Variants in FADS2 observed in about 807,000 individuals in gnomAD.
The protein encoded by FADS2 is acyl-CoA 6-desaturase.
In FADS2, 18 loss-of-function variants were observed where a neutral mutation model predicts 61.2. The observed-to-expected ratio is 0.29, with a 90% CI of 0.20 to 0.44. The LOEUF (loss-of-function observed/expected upper bound fraction) is 0.44, where lower values mean the gene tolerates loss of function less well. Among genes scored for constraint, FADS2 ranks in the 20% least tolerant of loss-of-function variants. The probability of loss-of-function intolerance (pLI) is 1.00; values close to 1 mark genes in which losing one functional copy is unlikely to be tolerated. For missense variants in FADS2, 322 were observed against 572.7 expected, an observed-to-expected ratio of 0.56 and a Z score of 4.47; for synonymous variants, 203 against 223.9, an observed-to-expected ratio of 0.91 and a Z score of 0.83.
At chr11:61,860,140 G>A (rs543137331) in intron 7 of FADS2, among the ~76,000 whole-genome samples, 23 of 152,160 alleles carry the variant, frequency 1.5e-4, no homozygotes, top group Admixed American at 7.8e-4. Context: ...GGCAGTATCC[G>A]GAGACACTTT....
At chr11:61,856,215 G>A (rs918936099) in intron 5 of FADS2, 1 of 152,302 alleles carries the variant, frequency 6.6e-6, no homozygotes, top group South Asian at 2.1e-4. Context: ...ATCCCCTGGG[G>A]CCGTGGTTCC....
intron 1 of FADS2, among the ~76,000 whole-genome samples, chr11:61,823,155 A>T (rs763974068): frequency 3.3e-5 from 5 of 152,246 alleles, no homozygotes; most frequent in Non-Finnish European, 7.3e-5. Context: ...TGAGCACTAA[A>T]GATGCAGCAA....
intron 4 of FADS2, among the ~76,000 whole-genome samples, chr11:61,846,131 CTTTT>C: frequency 7.7e-6 from 1 of 130,466 alleles, no homozygotes; most frequent in Admixed American, 7.9e-5. Context: ...TCTTTCTTTT[CTTTT>C]TTTTTTTTTT....
rs777499825 is a variant in FADS2 at position 61,840,371 on chromosome 11, C to T, written c.356C>T (p.Thr119Met). Residue 119 changes from threonine to methionine, a missense_variant, in exon 3 of 12, where the codon ACG becomes ATG. Coordinates refer to ENST00000278840, the MANE Select transcript of FADS2 (RefSeq NM_004265.4). ...ITEDFRALRK[T>M]AEDMNLFKTN... ...GAGGACTTCCGGGCCCTGAGGAAGACGGCTGAGGACATGAACCTGTTCAAG... is the reference window on the plus strand; with the variant it reads ...GAGGACTTCCGGGCCCTGAGGAAGATGGCTGAGGACATGAACCTGTTCAAG... 19 of 1,614,066 alleles carry T rather than the reference C, an allele frequency of 1.2e-5. No individual in the cohort carries two copies. The highest frequency in any genetic ancestry group is 4.4e-5 in the South Asian group (4 of 91,090).
chr11:61,844,696 A>T (rs945621666), intron 4 of FADS2, among the ~76,000 whole-genome samples: 3 of 151,932 alleles, frequency 2.0e-5, no homozygotes, highest in Non-Finnish European at 2.9e-5. Context: ...GAGGTTGAGG[A>T]GGGCAGATCA....
chr11:61,835,648 C>T (rs1224531399), intron 1 of FADS2, among the ~76,000 whole-genome samples: 1 of 151,750 alleles, frequency 6.6e-6, no homozygotes, highest in African/African-American at 2.4e-5. Flanking sequence ...TCAGGCAATC[C>T]GCCGCCTCGG....
chr11:61,848,036 G>A (rs535242488), intron 4 of FADS2, 123 bp from the exon 5 acceptor site: 3 of 1,148,206 alleles, frequency 2.6e-6, no homozygotes, highest in Non-Finnish European at 3.8e-6. Context: ...GCCTTGTGGG[G>A]GCCTGAAGTG....
chr11:61,839,145 G>C (rs2067198079), intron 2 of FADS2, among the ~76,000 whole-genome samples: 1 of 151,564 alleles, frequency 6.6e-6, no homozygotes, highest in Non-Finnish European at 1.5e-5. Context: ...ACTCCGCTTT[G>C]CCTCCCTGGC....
At position 61,828,634 on chromosome 11, in the gene FADS2, C is replaced by A; in HGVS notation, c.207+37C>A. The A allele has an allele frequency of 6.3e-7, 1 of 1,574,814 alleles. No homozygotes were observed. The highest frequency in any genetic ancestry group is 1.3e-5 in the African/African-American group (1 of 74,410). On this transcript the variant is annotated intron_variant, in intron 1 of 11. Coordinates refer to ENST00000278840, the MANE Select transcript of FADS2 (RefSeq NM_004265.4). The surrounding 1 kb of genome is among the most constrained non-coding windows in gnomAD (Gnocchi z 6.4). ...GGGGCGCCCCAGCCACCCTTCTCTG[C>A]TGCAGGCGGAGTCAGGATCCCTGGC...
chr11:61,857,114 C>T, intron 6 of FADS2, 43 bp downstream of exon 6: 1 of 1,511,786 alleles, frequency 6.6e-7, no homozygotes, highest in Non-Finnish European at 9.2e-7. Flanking sequence ...ACCCTCCCCT[C>T]CCCCCAGAGT....
chr11:61,822,755 AT>A (rs1234606592), intron 1 of FADS2, among the ~76,000 whole-genome samples: 2 of 152,336 alleles, frequency 1.3e-5, no homozygotes, highest in Non-Finnish European at 2.9e-5. Flanking sequence ...TAATGAGAAT[AT>A]TTACTTCACT....
chr11:61,858,825 C>T (rs185175235), intron 7 of FADS2, among the ~76,000 whole-genome samples: 41 of 152,200 alleles, frequency 2.7e-4, no homozygotes, highest in African/African-American at 8.7e-4. Context: ...ACTCGTGATC[C>T]ACCCGCCTTG....
intron 7 of FADS2, 25 bp downstream of exon 7, chr11:61,857,555 G>A (rs1400427552): frequency 6.3e-7 from 1 of 1,596,280 alleles, no homozygotes; most frequent in East Asian, 2.2e-5. Context: ...CAGCTGGCTT[G>A]GCATGGGGAG....
intron 5 of FADS2, 34 bp from the exon 6 acceptor site, chr11:61,856,975 GCT>G: frequency 6.3e-7 from 1 of 1,576,552 alleles, no homozygotes; most frequent in Non-Finnish European, 8.7e-7. Flanking sequence ...GGGAGCTGAG[GCT>G]ACTGGGTGCT....
At chr11:61,817,098 G>A (rs1591158174) in intron 1 of FADS2, 2 of 723,366 alleles carry the variant, frequency 2.8e-6, no homozygotes, top group South Asian at 2.7e-5. Flanking sequence ...CCCAGGGGGC[G>A]CCGCGGTAGG....
intron 1 of FADS2, among the ~76,000 whole-genome samples, chr11:61,830,736 G>A (rs1338625089): frequency 6.6e-6 from 1 of 152,178 alleles, no homozygotes; most frequent in Non-Finnish European, 1.5e-5. Context: ...GTTGTCACTT[G>A]ACTGAGCCCC....
upstream of FADS2, among the ~76,000 whole-genome samples, chr11:61,823,960 C>G (rs1438780774): frequency 6.6e-6 from 1 of 152,166 alleles, no homozygotes; most frequent in Non-Finnish European, 1.5e-5. Context: ...ATTAATAAAT[C>G]ATTATCTAGT....
Position 61,828,671 on chromosome 11 carries a change from C to T in FADS2, c.207+74C>T. The T allele has an allele frequency of 7.4e-7, 1 of 1,356,818 alleles. No homozygotes were observed. The highest frequency in any genetic ancestry group is 1.0e-6 in the Non-Finnish European group (1 of 976,308). 84.0% of individuals were successfully genotyped at this position (1,356,818 alleles called of 1,614,324 possible). ...TCAGGATCCCTGGCTCCCCGTGGGC[C>T]AAACAGACCTCCGGCGCTGAATGGA... is the stretch of plus-strand genomic sequence containing the variant. On this transcript the variant is annotated intron_variant, in intron 1 of 11. Coordinates refer to ENST00000278840, the MANE Select transcript of FADS2 (RefSeq NM_004265.4). The surrounding 1 kb of genome is among the most constrained non-coding windows in gnomAD (Gnocchi z 6.4).
chr11:61,842,668 C>A (rs2067226040), intron 4 of FADS2, among the ~76,000 whole-genome samples: 1 of 152,230 alleles, frequency 6.6e-6, no homozygotes. Context: ...CCACCAGCCC[C>A]CACTGGCTGT....
Sources: gnomAD v4.1 joint callset for allele counts (sites outside exome capture counted in the v4.1 genomes callset) on GRCh38, gnomAD v4.1.1 for gene constraint, Gnocchi (gnomAD v3.1) non-coding constraint, MANE v1.5 for transcripts, NCBI Gene and HGNC (gene_info 2026-07-23, HGNC 2026-07-21) for gene names.